The following KCNMA1 variants were observed in gnomAD, a reference collection of about 807,000 sequenced individuals.
KCNMA1 encodes Calcium-activated potassium channel subunit alpha-1.
In KCNMA1, 29 loss-of-function variants were observed where a neutral mutation model predicts 140.0. The ratio of observed to expected loss-of-function variants is 0.21; its 90% confidence interval spans 0.15 to 0.28. The LOEUF is 0.28. KCNMA1 is among the 10% of genes least tolerant of loss of function. The pLI, the probability that KCNMA1 is intolerant of heterozygous loss-of-function variation, is 1.00. For missense variants in KCNMA1, 880 were observed against 1,602.2 expected (o/e 0.55, Z 7.70); for synonymous variants, 612 against 611.9 (o/e 1.00, Z 0.00).
chr10:77,046,247 A>G (rs2095046976), intron 14 of KCNMA1, among the ~76,000 whole-genome samples: 1 of 152,220 alleles, frequency 6.6e-6, no homozygotes, highest in Admixed American at 6.5e-5. Flanking sequence ...AGACATTTGA[A>G]TGAATATTTA....
intron 25 of KCNMA1, among the ~76,000 whole-genome samples, chr10:76,909,265 C>T (rs1395165664): frequency 6.6e-6 from 1 of 152,162 alleles, no homozygotes; most frequent in East Asian, 1.9e-4. Context: ...CTCCATCCAC[C>T]TCCCTCGATC....
chr10:77,369,659 C>T (rs2094558427), intron 2 of KCNMA1, among the ~76,000 whole-genome samples: 1 of 152,164 alleles, frequency 6.6e-6, no homozygotes, highest in Admixed American at 6.5e-5. Flanking sequence ...CTTTCCCTGC[C>T]CAACCCCAGG....
chr10:77,116,558 T>C (rs1024526624), intron 6 of KCNMA1, among the ~76,000 whole-genome samples: 4 of 152,026 alleles, frequency 2.6e-5, no homozygotes, highest in Non-Finnish European at 5.9e-5. Flanking sequence ...GTTTTACTGC[T>C]CTCTTTGCTG....
intron 1 of KCNMA1, among the ~76,000 whole-genome samples, chr10:77,562,246 C>T (rs1184232798): frequency 6.6e-6 from 1 of 152,196 alleles, no homozygotes; most frequent in African/African-American, 2.4e-5. Flanking sequence ...CTCAGCTGCT[C>T]AAAGTTCCAC....
chr10:77,622,983 A>G (rs1187478648), intron 1 of KCNMA1, among the ~76,000 whole-genome samples: 1 of 152,246 alleles, frequency 6.6e-6, no homozygotes, highest in Non-Finnish European at 1.5e-5. Flanking sequence ...GTAAAAAGGA[A>G]CATGGGTGAA....
At position 76,944,944 on chromosome 10, in the gene KCNMA1, C is replaced by T. The variant is rs754920532; in HGVS notation, c.2731G>A (p.Asp911Asn). The T allele has an allele frequency of 5.6e-6, 9 of 1,613,538 alleles. No individual in the cohort carries two copies. The South Asian group carries it at 9.9e-5, about 18-fold the overall frequency. The change falls in exon 23 of 28, where the codon GAT becomes AAT. Residue 911 changes from aspartate to asparagine, a missense_variant. Physicochemically the swap from Asp to Asn is conservative, Grantham distance 23 (BLOSUM62 1). Transcript: ENST00000286628. ...AGGTTGATGTTGACAGCCCTTAAAT[C>T]AGCCCGACTTAATGGCGTACCCTTT... is the stretch of plus-strand genomic sequence containing the variant. Reference protein sequence around the residue: ...ILPGTPLSRADLRAVNINLCD... With the variant: ...ILPGTPLSRANLRAVNINLCD...
intron 25 of KCNMA1, among the ~76,000 whole-genome samples, chr10:76,907,898 T>C (rs1308230513): frequency 1.3e-5 from 2 of 152,200 alleles, no homozygotes; most frequent in East Asian, 1.9e-4. Flanking sequence ...TAATAATTCA[T>C]GAAAAGTGAC....
intron 9 of KCNMA1, among the ~76,000 whole-genome samples, chr10:77,101,420 GTCT>G (rs1222676138): frequency 1.3e-5 from 2 of 152,134 alleles, no homozygotes; most frequent in Non-Finnish European, 2.9e-5. Flanking sequence ...TTATCTATTT[GTCT>G]TCTTATTTAC....
intron 23 of KCNMA1, among the ~76,000 whole-genome samples, chr10:76,918,918 T>TCTCACACACACACA (rs1554918934): frequency 6.9e-6 from 1 of 144,156 alleles, no homozygotes; most frequent in African/African-American, 2.6e-5. Context: ...ATATATCACA[T>TCTCACACACACACA]CACACACACA....
chr10:77,412,405 A>G (rs2096639587), intron 1 of KCNMA1, among the ~76,000 whole-genome samples: 1 of 152,050 alleles, frequency 6.6e-6, no homozygotes, highest in Non-Finnish European at 1.5e-5. Context: ...GTCTGTTGAA[A>G]CTGACCCAGC....
At chr10:77,553,225 CT>C (rs923811679) in intron 1 of KCNMA1, among the ~76,000 whole-genome samples, 5 of 151,998 alleles carry the variant, frequency 3.3e-5, no homozygotes, top group Non-Finnish European at 7.4e-5. Flanking sequence ...ACTTTTTCTT[CT>C]TTTTTTTCCC....
chr10:77,002,138 A>G (rs2086677171), intron 18 of KCNMA1, among the ~76,000 whole-genome samples: 1 of 152,250 alleles, frequency 6.6e-6, no homozygotes, highest in Non-Finnish European at 1.5e-5. Context: ...GTGTTAATAC[A>G]GTATCTAAGG....
At chr10:76,965,053 G>A (rs2073325998) in intron 20 of KCNMA1, among the ~76,000 whole-genome samples, 1 of 152,070 alleles carries the variant, frequency 6.6e-6, no homozygotes, top group Non-Finnish European at 1.5e-5. Context: ...AAGTTTATAG[G>A]GTTGGTAAGG....
intron 2 of KCNMA1, among the ~76,000 whole-genome samples, chr10:77,343,485 G>C (rs776635755): frequency 4.6e-5 from 7 of 152,126 alleles, no homozygotes; most frequent in Non-Finnish European, 8.8e-5. Context: ...CCCTGATAAA[G>C]GGGGTGGCAG....
chr10:76,877,765 TTGG>T, exon 30 of KCNMA1: 1 of 1,560,076 alleles, frequency 6.4e-7, no homozygotes, highest in Non-Finnish European at 8.7e-7. Flanking sequence ...ACTTCTCTGA[TTGG>T]TGGAATCAAG....
intron 5 of KCNMA1, among the ~76,000 whole-genome samples, chr10:77,151,539 T>A (rs2098418972): frequency 6.6e-6 from 1 of 152,160 alleles, no homozygotes; most frequent in African/African-American, 2.4e-5. Context: ...AAATCTGCAG[T>A]TTCTACAGCT....
chr10:77,004,213 CCACA>C (rs35789536), intron 18 of KCNMA1, among the ~76,000 whole-genome samples: 14,948 of 144,218 alleles, frequency 0.1, 786 homozygotes, highest in Non-Finnish European at 0.12. Context: ...ACAAGTGCCA[CCACA>C]CACACACACA....
At chr10:77,484,492 T>C (rs77635189) in intron 1 of KCNMA1, among the ~76,000 whole-genome samples, 1,849 of 152,372 alleles carry the variant, frequency 0.012, 43 homozygotes, top group African/African-American at 0.042. Flanking sequence ...AGTTGTCTCC[T>C]ATTTTAATCC....
chr10:77,334,798 A>G (rs997622590), intron 2 of KCNMA1, among the ~76,000 whole-genome samples: 1 of 152,260 alleles, frequency 6.6e-6, no homozygotes, highest in African/African-American at 2.4e-5. Context: ...ATATTAAAAA[A>G]TGAAAAATAA....
Sources: allele counts gnomAD v4.1 joint callset (sites outside exome capture counted in the v4.1 genomes callset), GRCh38; gene constraint gnomAD v4.1.1; transcripts MANE v1.5; gene names NCBI Gene and HGNC (gene_info 2026-07-23, HGNC 2026-07-21).